The following LINGO2 variants were observed in gnomAD, a reference collection of about 807,000 sequenced individuals.
The protein encoded by LINGO2 is leucine rich repeat and Ig domain containing 2.
Under a neutral mutation model 30.6 loss-of-function variants are expected in LINGO2, and 14 were observed. That is an observed-to-expected ratio of 0.46 (90% CI 0.30 to 0.72). The LOEUF (loss-of-function observed/expected upper bound fraction) is 0.72. Among genes scored for constraint, LINGO2 ranks in the 30% least tolerant of loss-of-function variants. The pLI is 0.07. For missense variants in LINGO2, 729 were observed against 751.7 expected (o/e 0.97, Z 0.35); for synonymous variants, 317 against 288.5 (o/e 1.10, Z -1.00).
chr9:28,041,190 T>C (rs1029394758), intron 4 of LINGO2, among the ~76,000 whole-genome samples: 14 of 152,192 alleles, frequency 9.2e-5, no homozygotes, highest in Non-Finnish European at 2.9e-5. Context: ...ATTCTGTCTA[T>C]TGCACCTCAT....
At chr9:28,977,666 T>C in the LINGO2 span, among the ~76,000 whole-genome samples, 1 of 152,160 alleles carries the variant, frequency 6.6e-6, no homozygotes, top group Non-Finnish European at 1.5e-5. Context: ...CATCACTGTA[T>C]ACATACATGT....
chr9:28,350,487 A>C (rs1026382782), intron 3 of LINGO2, among the ~76,000 whole-genome samples: 5 of 149,218 alleles, frequency 3.4e-5, no homozygotes, highest in Admixed American at 6.7e-5. Flanking sequence ...CAGGAGCACC[A>C]AGATTCATAA....
the LINGO2 span, among the ~76,000 whole-genome samples, chr9:28,719,736 A>G: frequency 1.3e-5 from 2 of 152,006 alleles, no homozygotes; most frequent in African/African-American, 4.8e-5. Context: ...TCTACATCTA[A>G]TAAAGATTAC....
intron 4 of LINGO2, among the ~76,000 whole-genome samples, chr9:28,071,768 T>C (rs772383296): frequency 1.3e-5 from 2 of 152,112 alleles, no homozygotes; most frequent in African/African-American, 4.8e-5. Context: ...CAGCTCTTTC[T>C]GTGCGTCATT....
chr9:28,410,345 G>GT lies in LINGO2; in HGVS notation c.-278-37478dup, dbSNP rs561514906. Among the ~76,000 whole-genome samples, 253 of 152,096 alleles carry GT rather than the reference G, an allele frequency of 1.7e-3. 1 individual carries two copies. Among genetic ancestry groups the GT allele is most frequent in the African/African-American group, 5.8e-3 (241 of 41,508 alleles). On this transcript the variant is annotated intron_variant, in intron 2 of 5. Transcript: ENST00000379992. Reference sequence around the variant, plus strand: ...TTGAACAGTTGTTTACTTTATGTGGGTTTTCTGCTAAAGAATAACAAGCCA... The same window carrying GT: ...TTGAACAGTTGTTTACTTTATGTGGGTTTTTCTGCTAAAGAATAACAAGCCA...
chr9:27,965,042 G>C (rs768580480), intron 5 of LINGO2, among the ~76,000 whole-genome samples: 3 of 152,086 alleles, frequency 2.0e-5, no homozygotes, highest in Non-Finnish European at 4.4e-5. Context: ...AGGATATCTA[G>C]CCTAATATTT....
At chr9:29,172,552 C>T in the LINGO2 span, among the ~76,000 whole-genome samples, 1 of 151,824 alleles carries the variant, frequency 6.6e-6, no homozygotes, top group Admixed American at 6.6e-5. Context: ...ACTTATAAAA[C>T]ATTTAATAAT....
intron 4 of LINGO2, among the ~76,000 whole-genome samples, chr9:28,260,435 G>A (rs536713290): frequency 1.1e-4 from 17 of 151,772 alleles, no homozygotes; most frequent in East Asian, 9.8e-4. Context: ...GATATCTTAG[G>A]ATCCTTCCCT....
chr9:29,029,714 A>G, the LINGO2 span, among the ~76,000 whole-genome samples: 2 of 152,136 alleles, frequency 1.3e-5, no homozygotes, highest in African/African-American at 2.4e-5. Flanking sequence ...TGGATTCTTC[A>G]AGCCACCTGA....
intron 5 of LINGO2, among the ~76,000 whole-genome samples, chr9:27,981,550 A>AAAAAAAAAAAAAAAAAAAAAAAC: frequency 8.5e-6 from 1 of 117,698 alleles, no homozygotes; most frequent in South Asian, 3.1e-4. Context: ...AAAAAAAAAA[A>AAAAAAAAAAAAAAAAAAAAAAAC]GAAAAAAAAG....
At chr9:28,159,212 T>G (rs1188120558) in intron 4 of LINGO2, among the ~76,000 whole-genome samples, 1 of 152,194 alleles carries the variant, frequency 6.6e-6, no homozygotes, top group Non-Finnish European at 1.5e-5. Flanking sequence ...TTTTATGAAT[T>G]ACTTTAAAAG....
the LINGO2 span, among the ~76,000 whole-genome samples, chr9:28,846,717 C>T: frequency 7.4e-5 from 11 of 147,782 alleles, no homozygotes; most frequent in Admixed American, 1.3e-4. Flanking sequence ...TGGGCCCAAT[C>T]TTCTTCCCTA....
the LINGO2 span, among the ~76,000 whole-genome samples, chr9:29,095,015 A>T: frequency 1.4e-5 from 2 of 138,564 alleles, 1 homozygote; most frequent in Non-Finnish European, 3.1e-5. Flanking sequence ...GTCTATGCTT[A>T]CAAAATCTAA....
chr9:28,686,301 TA>T, the LINGO2 span, among the ~76,000 whole-genome samples: 20 of 152,090 alleles, frequency 1.3e-4, no homozygotes, highest in Admixed American at 1.2e-3. Context: ...ATTTCAAAAT[TA>T]AACAACTGAT....
intron 3 of LINGO2, among the ~76,000 whole-genome samples, chr9:28,325,697 C>T (rs921345952): frequency 2.0e-5 from 3 of 152,116 alleles, no homozygotes; most frequent in Non-Finnish European, 4.4e-5. Context: ...TGTGACGCCT[C>T]CCCAGCCACA....
the LINGO2 span, among the ~76,000 whole-genome samples, chr9:28,753,500 C>T: frequency 1.3e-5 from 2 of 152,106 alleles, no homozygotes; most frequent in South Asian, 4.1e-4. Context: ...GCAGTTAATA[C>T]CTTCCACGGC....
At chr9:28,213,075 G>A (rs996329357) in intron 4 of LINGO2, among the ~76,000 whole-genome samples, 4 of 151,334 alleles carry the variant, frequency 2.6e-5, no homozygotes, top group East Asian at 1.9e-4. Context: ...GCAAAGTTTT[G>A]CCCTGTGCAA....
At chr9:28,465,022 C>G (rs192740596) in intron 2 of LINGO2, among the ~76,000 whole-genome samples, 218 of 152,274 alleles carry the variant, frequency 1.4e-3, no homozygotes, top group Non-Finnish European at 2.6e-3. Context: ...GCCGCCCCCC[C>G]GCCCCACATA....
the LINGO2 span, among the ~76,000 whole-genome samples, chr9:29,190,996 A>C: frequency 3.3e-5 from 5 of 152,200 alleles, no homozygotes; most frequent in Non-Finnish European, 7.4e-5. Context: ...ATATTTATTG[A>C]GTGTCAATTT....
Sources: gnomAD v4.1 joint callset for allele counts (sites outside exome capture counted in the v4.1 genomes callset) on GRCh38, gnomAD v4.1.1 for gene constraint, MANE v1.5 for transcripts, NCBI Gene and HGNC (gene_info 2026-07-23, HGNC 2026-07-21) for gene names.